The following TCF4 variants were observed in gnomAD, a reference collection of about 807,000 sequenced individuals.
TCF4 encodes the protein transcription factor 4.
TCF4 carries 3 observed loss-of-function variants against 82.1 expected under a neutral mutation model. The observed-to-expected ratio is 0.04, with a 90% CI of 0.02 to 0.09. The LOEUF (loss-of-function observed/expected upper bound fraction) is 0.09, where lower values mean the gene tolerates loss of function less well. Among genes scored for constraint, TCF4 ranks in the 10% least tolerant of loss-of-function variants. TCF4 has a pLI of 1.00. For synonymous variants in TCF4, 276 were observed against 309.6 expected (o/e 0.89, Z 1.14); for missense variants, 518 against 852.7 (o/e 0.61, Z 4.89).
intron 6 of TCF4, among the ~76,000 whole-genome samples, chr18:55,368,571 G>A (rs535170551): frequency 8.5e-5 from 13 of 152,270 alleles, no homozygotes; most frequent in Non-Finnish European, 1.3e-4. Context: ...GTGTTGGGCC[G>A]CATGTGTCCT....
At chr18:55,587,722 G>C (rs961337096) in intron 1 of TCF4, among the ~76,000 whole-genome samples, 3 of 151,862 alleles carry the variant, frequency 2.0e-5, no homozygotes, top group Non-Finnish European at 4.4e-5. Context: ...GACAGGGTTG[G>C]GGGGAGCGGA....
At chr18:55,535,443 A>G (rs1042790859) in intron 3 of TCF4, among the ~76,000 whole-genome samples, 2 of 152,246 alleles carry the variant, frequency 1.3e-5, no homozygotes, top group Non-Finnish European at 2.9e-5. Context: ...GAAAATGTGT[A>G]AGCCTAGATT....
At chr18:55,251,616 C>A (rs544070294) in intron 15 of TCF4, among the ~76,000 whole-genome samples, 21 of 152,262 alleles carry the variant, frequency 1.4e-4, no homozygotes, top group African/African-American at 5.1e-4. Context: ...TCAGAGCTGT[C>A]TACTCTTTAA....
chr18:55,628,014 C>G (rs148012797), intron 2 of TCF4, among the ~76,000 whole-genome samples: 1 of 152,120 alleles, frequency 6.6e-6, no homozygotes, highest in African/African-American at 2.4e-5. Context: ...GAGCCATGAT[C>G]GCGCCACTGC....
chr18:55,549,047 T>C (rs2147101263), intron 3 of TCF4, among the ~76,000 whole-genome samples: 1 of 152,264 alleles, frequency 6.6e-6, no homozygotes, highest in Non-Finnish European at 1.5e-5. Flanking sequence ...ACACCTGTAA[T>C]CTCAGCACTT....
intron 11 of TCF4, chr18:55,269,623 G>C (rs2059926481): frequency 1.5e-6 from 1 of 646,378 alleles, no homozygotes; most frequent in African/African-American, 1.8e-5. Context: ...GTAGAACGTA[G>C]CTAAATTTCA....
At chr18:55,381,330 C>G (rs770284018) in intron 6 of TCF4, among the ~76,000 whole-genome samples, 3 of 152,158 alleles carry the variant, frequency 2.0e-5, no homozygotes, top group Non-Finnish European at 4.4e-5. Context: ...GGTGAAAACA[C>G]CCAGGTTTGG....
chr18:55,449,181 C>T (rs149310917), intron 5 of TCF4, among the ~76,000 whole-genome samples: 109 of 152,170 alleles, frequency 7.2e-4, no homozygotes, highest in African/African-American at 2.6e-3. Context: ...AAGATCATTT[C>T]GTAAACTATT....
chr18:55,322,441 A>AAC (rs2075840174), intron 8 of TCF4: 2 of 1,008,538 alleles, frequency 2.0e-6, no homozygotes, highest in South Asian at 4.7e-5. Flanking sequence ...AAAAAAAAAA[A>AAC]AAAAAAAAAC....
intron 8 of TCF4, among the ~76,000 whole-genome samples, chr18:55,311,297 T>A (rs2147211437): frequency 6.6e-6 from 1 of 152,336 alleles, no homozygotes; most frequent in East Asian, 1.9e-4. Context: ...GGTCCAGATA[T>A]ATCACTTTGC....
chr18:55,484,984 C>T (rs1568191698), intron 3 of TCF4, among the ~76,000 whole-genome samples: 1 of 152,232 alleles, frequency 6.6e-6, no homozygotes. Context: ...AATCACACCC[C>T]TTGCCTTCCC....
At chr18:55,338,015 A>G (rs944272821) in intron 8 of TCF4, among the ~76,000 whole-genome samples, 1 of 150,002 alleles carries the variant, frequency 6.7e-6, no homozygotes, top group Non-Finnish European at 1.5e-5. Context: ...ACCCATGTTA[A>G]AAAAAAAAAT....
Position 55,269,875 on chromosome 18 carries a change from G to A in TCF4, c.878C>T (p.Thr293Ile). The A allele has an allele frequency of 6.2e-7, 1 of 1,613,318 alleles. No homozygotes were observed. Among genetic ancestry groups the A allele is most frequent in the Non-Finnish European group, 8.5e-7 (1 of 1,179,516 alleles). ...GTTGGCAGGAGGCGTACAGGAAGAG[G>A]TGCTGTAATGGTTTGTACCACTACG... ...FHRSGTNHYSTSSCTPPANGT... is the reference protein window; with the variant it reads ...FHRSGTNHYSISSCTPPANGT... The change falls in exon 11 of 20, where the codon ACC becomes ATC. Residue 293 changes from threonine (T) to isoleucine (I), a missense_variant. By Grantham distance (89) the Thr-to-Ile change is moderately conservative. Around this residue, in one of 7 missense-constraint regions of TCF4, gnomAD observed 211 missense variants for 327.4 expected, o/e 0.64. Coordinates refer to ENST00000354452, the MANE Select transcript of TCF4 (RefSeq NM_001083962.2).
intron 12 of TCF4, 99 bp downstream of exon 12, chr18:55,261,367 T>C (rs2058052082): frequency 7.0e-7 from 1 of 1,430,614 alleles, no homozygotes; most frequent in South Asian, 1.2e-5. Flanking sequence ...AAATCAAAGC[T>C]ATTTGCCATT....
rs781150808 is a variant in TCF4 at position 55,293,931 on chromosome 18, C to CTTTTTTTTTTTTTTTT, written c.550-14291_550-14276dup. 8.5e-4 allele frequency among the ~76,000 whole-genome samples: 34 copies of CTTTTTTTTTTTTTTTT among 40,056 alleles called. 9 individuals are homozygous for CTTTTTTTTTTTTTTTT. The highest frequency in any genetic ancestry group is 1.1e-3 in the Non-Finnish European group (22 of 19,606). 26.3% of individuals were successfully genotyped at this position (40,056 alleles called of 152,430 possible). A position where few individuals can be genotyped will look rare whatever the true frequency, so the allele number is the denominator to read the frequency against. ...TTTCATCTTCTAAACTTTCCAAGGA[C>CTTTTTTTTTTTTTTTT]TTTTTTTTTTTTTTTTTTTTTTTTT... is the stretch of plus-strand genomic sequence containing the variant. On this transcript the variant is annotated intron_variant, in intron 8 of 19. Transcript: ENST00000354452.
intron 15 of TCF4, among the ~76,000 whole-genome samples, chr18:55,248,295 T>C (rs184166702): frequency 1.5e-3 from 225 of 152,346 alleles, no homozygotes; most frequent in Non-Finnish European, 2.1e-3. Context: ...TAGTAGCTAT[T>C]AAAAGATGAT....
intron 5 of TCF4, chr18:55,403,839 C>G: frequency 6.7e-7 from 1 of 1,483,180 alleles, no homozygotes; most frequent in South Asian, 1.4e-5. Flanking sequence ...TAAACAATTT[C>G]ATTTTTATTT....
At chr18:55,588,425 C>T (rs1386652465), upstream of TCF4, 2 of 1,534,792 alleles carry the variant, frequency 1.3e-6, no homozygotes, top group African/African-American at 1.4e-5. Context: ...ATCTCAACAC[C>T]TCCCCCGCCT....
intron 1 of TCF4, among the ~76,000 whole-genome samples, chr18:55,635,424 G>C (rs1408615961): frequency 6.6e-6 from 1 of 151,770 alleles, no homozygotes; most frequent in Admixed American, 6.6e-5. Flanking sequence ...CATGAGAATT[G>C]CTAGAACCCG....
Sources: allele counts gnomAD v4.1 joint callset (sites outside exome capture counted in the v4.1 genomes callset), GRCh38; gene constraint gnomAD v4.1.1; regional missense constraint gnomAD v4.1.1; transcripts MANE v1.5; gene names NCBI Gene and HGNC (gene_info 2026-07-23, HGNC 2026-07-21).